ABHD12B: variants seen among roughly 807,000 people sequenced by gnomAD.
ABHD12B encodes the protein protein ABHD12B.
A neutral mutation model predicts 50.4 loss-of-function variants in ABHD12B; 42 were observed. That is an observed-to-expected ratio of 0.83 (90% CI 0.65 to 1.08). The LOEUF is 1.08. Among genes scored for constraint, ABHD12B ranks in the 50% least tolerant of loss-of-function variants. The probability of loss-of-function intolerance (pLI) is 0.00; values close to 1 mark genes in which losing one functional copy is unlikely to be tolerated. For missense variants in ABHD12B, 479 were observed against 447.7 expected (o/e 1.07, Z -0.63); for synonymous variants, 167 against 160.3 (o/e 1.04, Z -0.32).
Position 50,872,241 on chromosome 14 carries a change from G to A in ABHD12B, c.67G>A (p.Val23Met), listed in dbSNP as rs939971353. Residue 23 changes from valine to methionine, a missense_variant, in exon 1 of 13, where the codon GTG becomes ATG. By Grantham distance (21) the Val-to-Met change is conservative. Coordinates refer to ENST00000337334, the MANE Select transcript of ABHD12B (RefSeq NM_001206673.2). Reference sequence around the variant, plus strand: ...GCCCGGGCCCCCAGCCCGTAGCTGCGTGGCCGCCTGGTGGGACATGGTCGA... The same window carrying A: ...GCCCGGGCCCCCAGCCCGTAGCTGCATGGCCGCCTGGTGGGACATGGTCGA... ...EPPGPPARSC[V>M]AAWWDMVDRN... 2 of 1,393,410 alleles carry A rather than the reference G, an allele frequency of 1.4e-6. No homozygotes were observed. The highest frequency in any genetic ancestry group is 2.8e-5 in the Admixed American group (1 of 36,154). 86.3% of individuals were successfully genotyped at this position (1,393,410 alleles called of 1,614,324 possible). A position where few individuals can be genotyped will look rare whatever the true frequency, so the allele number is the denominator to read the frequency against.
At position 50,872,281 on chromosome 14, in the gene ABHD12B, G is replaced by GAGTA; in HGVS notation, c.104+4_104+7dup. 4.5e-6 allele frequency: 6 copies of GAGTA among 1,342,818 alleles called. No homozygotes were observed. The highest frequency in any genetic ancestry group is 5.7e-6 in the Non-Finnish European group (6 of 1,043,902). 83.2% of individuals were successfully genotyped at this position (1,342,818 alleles called of 1,614,324 possible). ...GACATGGTCGACCGCAACCTGCGGT[G>GAGTA]AGTACCGCCCGGTCCACCCCTGGCC... On this transcript the variant is annotated splice_donor_region_variant and intron_variant, in intron 1 of 12. Transcript: ENST00000337334.
At position 50,881,609 on chromosome 14, in the gene ABHD12B, A is replaced by G; in HGVS notation, c.469A>G (p.Arg157Gly). Residue 157 changes from arginine to glycine, a missense_variant, in exon 5 of 13, where the codon AGA (arginine) becomes GGA (glycine). Physicochemically the swap from Arg to Gly is moderately radical, Grantham distance 125. Transcript: ENST00000337334. ...CTTCCTTCACAGGGCAGCTTCGCAC[A>G]GACTGAAGCTGGTAAAGGTATGTCT... ...GSAEHRAASH[R>G]LKLVKVLSDG... 6.2e-7 allele frequency: 1 copy of G among 1,610,006 alleles called. No homozygotes were observed. Among genetic ancestry groups the G allele is most frequent in the Non-Finnish European group, 8.5e-7 (1 of 1,179,174 alleles).
intron 9 of ABHD12B, among the ~76,000 whole-genome samples, chr14:50,898,284 A>C (rs1206857305): frequency 6.6e-6 from 1 of 152,260 alleles, no homozygotes; most frequent in Non-Finnish European, 1.5e-5. Flanking sequence ...TATAAGAAGA[A>C]GAAATGAGAC....
intron 10 of ABHD12B, among the ~76,000 whole-genome samples, chr14:50,902,267 G>C (rs75661600): frequency 6.6e-6 from 1 of 152,174 alleles, no homozygotes; most frequent in South Asian, 2.1e-4. Context: ...AGGATAGCTT[G>C]AGCCCAGAAG....
chr14:50,899,609 C>T (rs910073088), intron 9 of ABHD12B, among the ~76,000 whole-genome samples: 8 of 152,114 alleles, frequency 5.3e-5, no homozygotes, highest in South Asian at 2.1e-4. Context: ...AGGCACAACA[C>T]GAAAATGTAT....
intron 9 of ABHD12B, among the ~76,000 whole-genome samples, chr14:50,897,666 G>A (rs1039511641): frequency 2.0e-5 from 3 of 152,214 alleles, no homozygotes; most frequent in Admixed American, 6.5e-5. Flanking sequence ...GGGCTGTGGA[G>A]CCACTCAGAC....
At chr14:50,887,940 A>T (rs1436690148) in intron 8 of ABHD12B, among the ~76,000 whole-genome samples, 2 of 152,198 alleles carry the variant, frequency 1.3e-5, no homozygotes, top group South Asian at 2.1e-4. Flanking sequence ...CTCAGCCACC[A>T]CTATTGCTTT....
chr14:50,892,340 T>C (rs1256096205), intron 9 of ABHD12B: 1 of 862,346 alleles, frequency 1.2e-6, no homozygotes, highest in Non-Finnish European at 1.4e-6. Flanking sequence ...GGAATGAGGG[T>C]AGTAGCACTG....
chr14:50,903,874 T>C (rs1444331298), intron 11 of ABHD12B, 200 bp from the exon 12 acceptor site: 1 of 561,814 alleles, frequency 1.8e-6, no homozygotes, highest in African/African-American at 1.9e-5. Flanking sequence ...TGAGGTTTTA[T>C]CAGTATTCTA....
rs1018204926 is a variant in ABHD12B, at chr14:50,885,530, T to C, written c.487-84T>C. On this transcript the variant is annotated intron_variant, in intron 5 of 12. Transcript: ENST00000337334. Reference sequence around the variant, plus strand: ...ACCTTTGAAAGAGCCCTCCTTGTGATGTGATATGGATGGATATAGGGAGGA... The same window carrying C: ...ACCTTTGAAAGAGCCCTCCTTGTGACGTGATATGGATGGATATAGGGAGGA... 11 of 1,489,312 alleles carry C rather than the reference T, an allele frequency of 7.4e-6. No individual in the cohort carries two copies. The Admixed American group carries it at 1.0e-4, about 14-fold the overall frequency. The allele number at this position is 1,489,312 out of a possible 1,614,324, so 92.3% of individuals were successfully genotyped here. A position where few individuals can be genotyped will look rare whatever the true frequency, so the allele number is the denominator to read the frequency against.
intron 9 of ABHD12B, among the ~76,000 whole-genome samples, chr14:50,898,390 AGTT>A (rs1289391711): frequency 1.3e-5 from 2 of 152,188 alleles, no homozygotes; most frequent in Admixed American, 6.5e-5. Context: ...CTTGCTGTCT[AGTT>A]GTTGTTTTCA....
At chr14:50,898,923 T>A (rs565427698) in intron 9 of ABHD12B, among the ~76,000 whole-genome samples, 3 of 152,148 alleles carry the variant, frequency 2.0e-5, no homozygotes, top group Admixed American at 6.5e-5. Context: ...CTGGGCACGG[T>A]GGCTGGCGCC....
intron 9 of ABHD12B, among the ~76,000 whole-genome samples, chr14:50,896,524 C>G (rs1307127683): frequency 1.3e-5 from 2 of 151,626 alleles, no homozygotes; most frequent in African/African-American, 2.4e-5. Context: ...TGATGACATT[C>G]CACCATTGTG....
chr14:50,882,078 G>C (rs1463376275), intron 5 of ABHD12B, among the ~76,000 whole-genome samples: 1 of 151,950 alleles, frequency 6.6e-6, no homozygotes, highest in Non-Finnish European at 1.5e-5. Flanking sequence ...TGGGATTACA[G>C]GCACCAACCA....
intron 8 of ABHD12B, 29 bp from the exon 9 acceptor site, chr14:50,888,795 A>ATTTC (rs761427396): frequency 1.0e-5 from 16 of 1,574,306 alleles, no homozygotes; most frequent in African/African-American, 2.7e-5. Context: ...GGAGTTACTG[A>ATTTC]TTTCTTTCTT....
At chr14:50,901,195 A>C (rs551673317) in intron 9 of ABHD12B, among the ~76,000 whole-genome samples, 92 of 152,324 alleles carry the variant, frequency 6.0e-4, no homozygotes, top group Non-Finnish European at 9.7e-4. Context: ...GGGCATATAA[A>C]CTAACTTACA....
chr14:50,884,684 T>C (rs10143702), intron 5 of ABHD12B, among the ~76,000 whole-genome samples: 143,501 of 147,490 alleles, frequency 0.97, 69,966 homozygotes, highest in Middle Eastern at 1. Context: ...CTTTTCTTTA[T>C]CTATGATTGT....
chr14:50,886,409 C>CAGCCTGGG (rs201818490), intron 7 of ABHD12B, among the ~76,000 whole-genome samples: 1,640 of 143,712 alleles, frequency 0.011, 32 homozygotes, highest in African/African-American at 0.04. Flanking sequence ...CACTGCACTC[C>CAGCCTGGG]AGCCTGGGTG....
chr14:50,886,767 T>A (rs1299855976), intron 8 of ABHD12B, 83 bp downstream of exon 8: 1 of 1,328,174 alleles, frequency 7.5e-7, no homozygotes, highest in Non-Finnish European at 1.1e-6. Context: ...GTGTACACTT[T>A]GAACATATAG....
Sources: gnomAD v4.1 joint callset for allele counts (sites outside exome capture counted in the v4.1 genomes callset) on GRCh38, gnomAD v4.1.1 for gene constraint, MANE v1.5 for transcripts, NCBI Gene and HGNC (gene_info 2026-07-23, HGNC 2026-07-21) for gene names.